Variants in CTNNA3 observed in about 807,000 individuals in gnomAD.
The protein encoded by CTNNA3 is catenin alpha-3.
A neutral mutation model predicts 95.7 loss-of-function variants in CTNNA3; 76 were observed. That is an observed-to-expected ratio of 0.79 (90% CI 0.66 to 0.96). The LOEUF is 0.96. Among genes scored for constraint, CTNNA3 ranks in the 40% least tolerant of loss-of-function variants. The pLI is 0.00. For synonymous variants in CTNNA3, 431 were observed against 374.4 expected (o/e 1.15, Z -1.74); for missense variants, 1,191 against 1,089.8 (o/e 1.09, Z -1.31).
chr10:66,717,874 AT>A (rs752793351), intron 9 of CTNNA3, among the ~76,000 whole-genome samples: 1 of 152,198 alleles, frequency 6.6e-6, no homozygotes, highest in African/African-American at 2.4e-5. Context: ...CTACTCAGCC[AT>A]GGCTTCTACC....
chr10:66,631,659 CA>C (rs1210543614), intron 9 of CTNNA3, among the ~76,000 whole-genome samples: 2 of 152,030 alleles, frequency 1.3e-5, no homozygotes, highest in Non-Finnish European at 2.9e-5. Flanking sequence ...CAGAAATTTC[CA>C]GCAAGTGTCA....
chr10:67,085,250 A>G (rs1857238392), intron 7 of CTNNA3, among the ~76,000 whole-genome samples: 1 of 151,972 alleles, frequency 6.6e-6, no homozygotes, highest in Non-Finnish European at 1.5e-5. Context: ...CTACATATAT[A>G]TGTGGCTGAT....
At chr10:66,702,609 G>A (rs1029546902) in intron 9 of CTNNA3, among the ~76,000 whole-genome samples, 31 of 150,998 alleles carry the variant, frequency 2.1e-4, no homozygotes, top group African/African-American at 7.3e-4. Flanking sequence ...AGGAGGCTGA[G>A]GCAGGAGAAT....
At position 67,564,193 on chromosome 10, in the gene CTNNA3, C is replaced by T. The variant is rs868187186; in HGVS notation, c.293-24524G>A. Reference sequence around the variant, plus strand: ...ATGCTTCTATAAAGACACATGCACACGTATGTTTATTGTGGCACTATTCAC... The same window carrying T: ...ATGCTTCTATAAAGACACATGCACATGTATGTTTATTGTGGCACTATTCAC... On this transcript the variant is annotated intron_variant, in intron 3 of 17. Transcript: ENST00000433211. Among the ~76,000 whole-genome samples, 6 of 149,724 alleles carry T rather than the reference C, an allele frequency of 4.0e-5. No homozygotes were observed. The South Asian group carries it at 6.7e-4, about 17-fold the overall frequency.
intron 12 of CTNNA3, among the ~76,000 whole-genome samples, chr10:66,364,663 A>G (rs1342705938): frequency 6.6e-6 from 1 of 152,198 alleles, no homozygotes; most frequent in Non-Finnish European, 1.5e-5. Context: ...TAAGTAAAAT[A>G]ATGTACAGAG....
intron 7 of CTNNA3, among the ~76,000 whole-genome samples, chr10:67,161,076 T>C (rs1801678896): frequency 6.6e-6 from 1 of 152,128 alleles, no homozygotes; most frequent in Non-Finnish European, 1.5e-5. Flanking sequence ...GTTTAAGATA[T>C]GCAAAACAAT....
At chr10:66,673,824 G>A (rs2132479419) in intron 9 of CTNNA3, among the ~76,000 whole-genome samples, 1 of 152,034 alleles carries the variant, frequency 6.6e-6, no homozygotes, top group Non-Finnish European at 1.5e-5. Context: ...AGAACTTTCT[G>A]AGCACACTGT....
At chr10:66,922,640 C>T (rs1846851301) in intron 7 of CTNNA3, among the ~76,000 whole-genome samples, 1 of 152,176 alleles carries the variant, frequency 6.6e-6, no homozygotes, top group African/African-American at 2.4e-5. Context: ...GAGGCTGACT[C>T]AGTCCAAGAG....
chr10:66,959,143 C>T (rs756068549), intron 7 of CTNNA3, among the ~76,000 whole-genome samples: 10 of 152,174 alleles, frequency 6.6e-5, no homozygotes, highest in East Asian at 5.8e-4. Flanking sequence ...CTCAGACTCA[C>T]GGCAAAAGCT....
chr10:67,337,374 T>C (rs948868152), intron 5 of CTNNA3, among the ~76,000 whole-genome samples: 1 of 152,174 alleles, frequency 6.6e-6, no homozygotes, highest in African/African-American at 2.4e-5. Flanking sequence ...TGCAATCTCA[T>C]GATAAAACTT....
At chr10:66,145,605 C>A (rs2083843258) in intron 13 of CTNNA3, among the ~76,000 whole-genome samples, 1 of 152,138 alleles carries the variant, frequency 6.6e-6, no homozygotes, top group Non-Finnish European at 1.5e-5. Flanking sequence ...GAGGTAACCA[C>A]TGGTTCTCAA....
At chr10:67,559,475 CA>C (rs1167664933) in intron 3 of CTNNA3, among the ~76,000 whole-genome samples, 3 of 152,062 alleles carry the variant, frequency 2.0e-5, no homozygotes, top group Non-Finnish European at 2.9e-5. Context: ...ACATCCACAC[CA>C]AAAACCCATC....
chr10:67,427,736 C>G (rs866781378), intron 5 of CTNNA3, among the ~76,000 whole-genome samples: 2 of 152,090 alleles, frequency 1.3e-5, no homozygotes, highest in Middle Eastern at 3.4e-3. Flanking sequence ...AGCTGGGGGT[C>G]TGAGGATTCA....
At chr10:66,880,225 C>G (rs1314652073) in intron 7 of CTNNA3, among the ~76,000 whole-genome samples, 5 of 152,080 alleles carry the variant, frequency 3.3e-5, no homozygotes. Context: ...CCTGGACACA[C>G]ATTCCCTAGT....
chr10:67,091,406 G>GGATGC (rs1294676396), intron 7 of CTNNA3, among the ~76,000 whole-genome samples: 1 of 151,564 alleles, frequency 6.6e-6, no homozygotes, highest in Non-Finnish European at 1.5e-5. Flanking sequence ...ATATATTTAA[G>GGATGC]GATGCCAATT....
intron 9 of CTNNA3, among the ~76,000 whole-genome samples, chr10:66,690,232 G>C (rs1411821504): frequency 1.3e-5 from 2 of 152,018 alleles, no homozygotes; most frequent in Admixed American, 6.5e-5. Context: ...GGAAGGACTT[G>C]GGTGCAGACT....
intron 7 of CTNNA3, among the ~76,000 whole-genome samples, chr10:67,161,202 ATAAAT>A (rs1241762532): frequency 6.6e-6 from 1 of 152,168 alleles, no homozygotes; most frequent in Admixed American, 6.5e-5. Flanking sequence ...GTCACAATAA[ATAAAT>A]TAAAATAAAT....
intron 7 of CTNNA3, among the ~76,000 whole-genome samples, chr10:66,866,264 G>T (rs1323084758): frequency 1.3e-5 from 2 of 152,142 alleles, no homozygotes; most frequent in African/African-American, 2.4e-5. Context: ...ACTCAGTTCA[G>T]CACTTATAGG....
At chr10:67,683,331 ACAT>A (rs1236768377) in intron 1 of CTNNA3, among the ~76,000 whole-genome samples, 2 of 152,252 alleles carry the variant, frequency 1.3e-5, no homozygotes, top group African/African-American at 4.8e-5. Context: ...TAGAAAGGAA[ACAT>A]CATGAGGACA....
Sources: allele counts gnomAD v4.1 joint callset (sites outside exome capture counted in the v4.1 genomes callset), GRCh38; gene constraint gnomAD v4.1.1; transcripts MANE v1.5; gene names NCBI Gene and HGNC (gene_info 2026-07-23, HGNC 2026-07-21).